The following CCDC178 variants were observed in gnomAD, a reference collection of about 807,000 sequenced individuals.
CCDC178 encodes coiled-coil domain-containing protein 178.
CCDC178 carries 126 observed loss-of-function variants against 117.4 expected under a neutral mutation model. The ratio of observed to expected loss-of-function variants is 1.07; its 90% CI spans 0.93 to 1.24. The LOEUF (loss-of-function observed/expected upper bound fraction) is 1.24. Ranked by LOEUF, CCDC178 falls within the 50% of genes most tolerant of loss-of-function variation. The probability of loss-of-function intolerance (pLI) is 0.00; values close to 1 mark genes in which losing one functional copy is unlikely to be tolerated. For missense variants in CCDC178, 1,030 were observed against 986.9 expected (o/e 1.04, Z -0.59); for synonymous variants, 283 against 313.4 (o/e 0.90, Z 1.02).
At position 33,408,062 on chromosome 18, in the gene CCDC178, G is replaced by T. The variant is rs116253550; in HGVS notation, c.58+3969C>A. 8.0e-3 allele frequency among the ~76,000 whole-genome samples: 1,221 copies of T among 151,752 alleles called. 15 individuals carry two copies. Among genetic ancestry groups the T allele is most frequent in the African/African-American group, 0.028 (1,171 of 41,446 alleles). ...ATTAAAATACAGTAAAATTTAAAAA[G>T]TTGTTTGTCCCAGAAATGAAGTTTA... On this transcript the variant is annotated intron_variant, in intron 3 of 22. Coordinates refer to ENST00000383096, the MANE Select transcript of CCDC178 (RefSeq NM_001105528.4).
chr18:33,424,469 C>T (rs769067778), intron 2 of CCDC178, among the ~76,000 whole-genome samples: 1 of 152,162 alleles, frequency 6.6e-6, no homozygotes, highest in Non-Finnish European at 1.5e-5. Context: ...TACAGGCGCA[C>T]ACCTCCACTT....
chr18:33,146,854 T>A (rs2058273999), intron 20 of CCDC178, among the ~76,000 whole-genome samples: 1 of 152,172 alleles, frequency 6.6e-6, no homozygotes, highest in Non-Finnish European at 1.5e-5. Context: ...AACTGACCAG[T>A]AACAACAGAT....
rs571440904 is a variant in CCDC178, at chr18:33,346,247, A to G, written c.622T>C (p.Trp208Arg). ...GCCAATGGGAGTTCTTGAAGTTTCC[A>G]GACTGACCAAGAGTCAATTTTCATG... is the stretch of plus-strand genomic sequence containing the variant. ...INMKIDSWSV[W>R]KLQELPLAVQ... Residue 208 changes from tryptophan to arginine, a missense_variant, in exon 9 of 23, where the codon TGG becomes CGG. By Grantham distance (101) the Trp-to-Arg change is moderately radical. Transcript: ENST00000383096. 9.3e-6 allele frequency: 15 copies of G among 1,614,016 alleles called. No homozygotes were observed. In the African/African-American group the frequency reaches 2.0e-4, roughly 22 times the overall value.
chr18:33,121,161 G>T (rs1216072714), intron 20 of CCDC178, among the ~76,000 whole-genome samples: 2 of 152,110 alleles, frequency 1.3e-5, no homozygotes, highest in Admixed American at 6.6e-5. Context: ...TTAAGTAAAA[G>T]AAATTATCAT....
intron 20 of CCDC178, among the ~76,000 whole-genome samples, chr18:33,187,114 A>AGAGAGC (rs60923129): frequency 8.4e-4 from 126 of 150,306 alleles, no homozygotes; most frequent in East Asian, 2.7e-3. Context: ...AGAGAGAGAG[A>AGAGAGC]GACTGAGAGA....
At chr18:33,290,014 A>G (rs1372636016) in intron 12 of CCDC178, among the ~76,000 whole-genome samples, 1 of 152,180 alleles carries the variant, frequency 6.6e-6, no homozygotes, top group Non-Finnish European at 1.5e-5. Context: ...TGGCTTCAAA[A>G]TTCATAAAGC....
At chr18:33,432,104 G>A (rs2064227482) in intron 2 of CCDC178, among the ~76,000 whole-genome samples, 1 of 152,178 alleles carries the variant, frequency 6.6e-6, no homozygotes, top group South Asian at 2.1e-4. Context: ...CATCAAGTCA[G>A]CAGTGATCTA....
At chr18:33,226,955 AAT>A (rs2059310462) in intron 15 of CCDC178, 100 bp from the exon 16 acceptor site, 1 of 447,234 alleles carries the variant, frequency 2.2e-6, no homozygotes, top group Admixed American at 4.0e-5. Context: ...TTAATGTTTC[AAT>A]ATAGAGTAAA....
intron 21 of CCDC178, among the ~76,000 whole-genome samples, chr18:33,091,914 A>C (rs2057473160): frequency 6.6e-6 from 1 of 152,178 alleles, no homozygotes; most frequent in African/African-American, 2.4e-5. Flanking sequence ...TCACGGAGCT[A>C]GTAGAACTTG....
At chr18:32,951,172 G>A (rs935574058) in intron 22 of CCDC178, among the ~76,000 whole-genome samples, 1 of 152,102 alleles carries the variant, frequency 6.6e-6, no homozygotes, top group African/African-American at 2.4e-5. Context: ...ATGCTTGAAG[G>A]TAATATGCTG....
At chr18:33,401,872 T>C (rs1031391667) in intron 3 of CCDC178, among the ~76,000 whole-genome samples, 1 of 152,044 alleles carries the variant, frequency 6.6e-6, no homozygotes, top group Non-Finnish European at 1.5e-5. Flanking sequence ...TGAGAGAAGA[T>C]TAAATAATTA....
intron 12 of CCDC178, among the ~76,000 whole-genome samples, chr18:33,276,485 T>C (rs1317997142): frequency 2.0e-5 from 3 of 152,008 alleles, no homozygotes; most frequent in Non-Finnish European, 4.4e-5. Flanking sequence ...CTCAAATGTT[T>C]GGAGTTTGAG....
At chr18:33,086,445 C>CACAT (rs1183185288) in intron 21 of CCDC178, among the ~76,000 whole-genome samples, 8 of 148,234 alleles carry the variant, frequency 5.4e-5, no homozygotes, top group Non-Finnish European at 7.5e-5. Context: ...CACACACACA[C>CACAT]ATATATATAT....
At chr18:33,364,204 T>TA (rs1298576724) in intron 6 of CCDC178, among the ~76,000 whole-genome samples, 2 of 152,124 alleles carry the variant, frequency 1.3e-5, no homozygotes, top group Non-Finnish European at 2.9e-5. Context: ...TGCTGAATTG[T>TA]AACCACGTAA....
At chr18:33,026,736 A>C (rs2056237441) in intron 21 of CCDC178, among the ~76,000 whole-genome samples, 1 of 151,806 alleles carries the variant, frequency 6.6e-6, no homozygotes, top group Admixed American at 6.6e-5. Context: ...TAAAAAATCA[A>C]ACAAAAACAA....
At position 33,420,551 on chromosome 18, in the gene CCDC178, C is replaced by T. The variant is rs926604346; in HGVS notation, c.-22-8441G>A. Among the ~76,000 whole-genome samples the T allele has an allele frequency of 5.3e-5, 8 of 152,194 alleles. No individual in the cohort carries two copies. In the East Asian group the frequency reaches 7.8e-4, roughly 15 times the overall value. ...TGTATTTTTAGTAGAGATGGGATTT[C>T]GCCATGTTGGCTGGGCTGGTCTTGA... is the stretch of plus-strand genomic sequence containing the variant. On this transcript the variant is annotated intron_variant, in intron 2 of 22. Coordinates refer to ENST00000383096, the MANE Select transcript of CCDC178 (RefSeq NM_001105528.4).
chr18:32,973,186 A>G (rs949257473), intron 22 of CCDC178, among the ~76,000 whole-genome samples: 2 of 152,176 alleles, frequency 1.3e-5, no homozygotes, highest in African/African-American at 4.8e-5. Context: ...CTGATATTCA[A>G]ATAATTTCTA....
chr18:33,253,303 C>A (rs1754678396), intron 14 of CCDC178, among the ~76,000 whole-genome samples: 1 of 151,688 alleles, frequency 6.6e-6, no homozygotes, highest in African/African-American at 2.4e-5. Context: ...GAACAGTATA[C>A]CATATATTGC....
At chr18:33,102,663 C>G (rs1322921933) in intron 20 of CCDC178, among the ~76,000 whole-genome samples, 1 of 151,750 alleles carries the variant, frequency 6.6e-6, no homozygotes. Context: ...CATTAGAGCA[C>G]TGTCCAAACC....
Sources: allele counts gnomAD v4.1 joint callset (sites outside exome capture counted in the v4.1 genomes callset), GRCh38; gene constraint gnomAD v4.1.1; transcripts MANE v1.5; gene names NCBI Gene and HGNC (gene_info 2026-07-23, HGNC 2026-07-21).